Variants in STPG4 observed in about 807,000 individuals in gnomAD.
STPG4 encodes protein STPG4.
A neutral mutation model predicts 31.5 loss-of-function variants in STPG4; 41 were observed. The observed-to-expected ratio is 1.30, with a 90% confidence interval of 1.01 to 1.69. STPG4 has a LOEUF of 1.69. Among genes scored for constraint, STPG4 ranks in the 40% most tolerant of loss-of-function variants. The probability of loss-of-function intolerance (pLI) is 0.00; values close to 1 mark genes in which losing one functional copy is unlikely to be tolerated. For missense variants in STPG4, 375 were observed against 293.4 expected (o/e 1.28, Z -2.03); for synonymous variants, 141 against 103.0 (o/e 1.37, Z -2.24).
At chr2:47,136,293 C>T (rs1383827808) in intron 3 of STPG4, among the ~76,000 whole-genome samples, 1 of 152,010 alleles carries the variant, frequency 6.6e-6, no homozygotes, top group Non-Finnish European at 1.5e-5. Context: ...TTATGGGCGC[C>T]TGCCACCATG....
At chr2:47,149,554 T>C (rs1686896831) in intron 3 of STPG4, among the ~76,000 whole-genome samples, 1 of 152,234 alleles carries the variant, frequency 6.6e-6, no homozygotes, top group Non-Finnish European at 1.5e-5. Context: ...TATCATTCTG[T>C]TCTGTTTCAA....
At position 47,155,205 on chromosome 2, in the gene STPG4, T is replaced by C; in HGVS notation, c.47A>G (p.Asp16Gly). The change falls in exon 1 of 7, where the codon GAC becomes GGC. Residue 16 changes from aspartate to glycine, a missense_variant. Transcript: ENST00000445927. ...VATASTSIREDLVGGESFITA... is the reference protein window; with the variant it reads ...VATASTSIREGLVGGESFITA... ...GATGAATGATTCTCCACCCACCAGG[T>C]CTTCCCTTATTGAGGTGGAAGCGGT... The C allele has an allele frequency of 6.2e-7, 1 of 1,614,144 alleles. No homozygotes were observed. The highest frequency in any genetic ancestry group is 8.5e-7 in the Non-Finnish European group (1 of 1,180,012).
chr2:47,137,217 C>T (rs760408619), intron 3 of STPG4, among the ~76,000 whole-genome samples: 6 of 152,084 alleles, frequency 3.9e-5, no homozygotes, highest in Non-Finnish European at 5.9e-5. Flanking sequence ...TTCTCAAATG[C>T]TTTTTCTGCA....
intron 5 of STPG4, among the ~76,000 whole-genome samples, chr2:47,102,815 T>A (rs1685828277): frequency 6.6e-6 from 1 of 151,800 alleles, no homozygotes. Flanking sequence ...CCCTTCTCCC[T>A]CTCTGATTTA....
At chr2:47,113,143 A>C (rs146549927) in intron 5 of STPG4, among the ~76,000 whole-genome samples, 17 of 152,296 alleles carry the variant, frequency 1.1e-4, no homozygotes, top group Middle Eastern at 3.4e-3. Context: ...TTTCAGCACT[A>C]TATGAGGTAG....
chr2:47,098,257 C>T (rs565500733), intron 5 of STPG4, among the ~76,000 whole-genome samples: 10 of 152,316 alleles, frequency 6.6e-5, no homozygotes, highest in Admixed American at 6.5e-5. Flanking sequence ...CCCCACAGAC[C>T]GGAGAGCCAG....
chr2:47,143,677 T>C (rs1686761927), intron 3 of STPG4, among the ~76,000 whole-genome samples: 1 of 151,556 alleles, frequency 6.6e-6, no homozygotes, highest in Admixed American at 6.6e-5. Flanking sequence ...TTTAGTAGAG[T>C]CAGGGTTTCA....
chr2:47,131,186 G>C (rs1021604310), intron 3 of STPG4, among the ~76,000 whole-genome samples: 5 of 151,834 alleles, frequency 3.3e-5, no homozygotes, highest in African/African-American at 1.2e-4. Context: ...GAGTGCAGTG[G>C]CGTGATCACA....
intron 3 of STPG4, among the ~76,000 whole-genome samples, chr2:47,150,499 T>C (rs1686913022): frequency 6.6e-6 from 1 of 151,868 alleles, no homozygotes; most frequent in Non-Finnish European, 1.5e-5. Flanking sequence ...GCTCACTTCT[T>C]TTCTTTTTTT....
At chr2:47,096,559 G>A (rs1222846591) in intron 5 of STPG4, among the ~76,000 whole-genome samples, 1 of 152,194 alleles carries the variant, frequency 6.6e-6, no homozygotes, top group African/African-American at 2.4e-5. Flanking sequence ...ATCTTCATCT[G>A]TGTGCAAGTT....
chr2:47,153,608 A>T (rs1000933473), intron 1 of STPG4, among the ~76,000 whole-genome samples: 1 of 152,150 alleles, frequency 6.6e-6, no homozygotes, highest in African/African-American at 2.4e-5. Context: ...CAAAAACATT[A>T]GCTGGGCATG....
intron 5 of STPG4, chr2:47,108,294 C>T (rs548874227): frequency 1.3e-5 from 2 of 152,056 alleles, no homozygotes; most frequent in Non-Finnish European, 2.9e-5. Flanking sequence ...TCCCCTTCCA[C>T]ACTGTGGAAG....
chr2:47,151,386 G>A lies in STPG4; in HGVS notation c.271C>T (p.Pro91Ser), dbSNP rs1289707590. 1 of 1,614,198 alleles carries A rather than the reference G, an allele frequency of 6.2e-7. No individual in the cohort carries two copies. The highest frequency in any genetic ancestry group is 1.7e-5 in the Admixed American group (1 of 60,028). The change falls in exon 3 of 7, where the codon CCA becomes TCA. Residue 91 changes from proline (P) to serine (S), a missense_variant. Transcript: ENST00000445927. Reference protein sequence around the residue: ...KKPPLVQRNNPVLNDLPQYMP... With the variant: ...KKPPLVQRNNSVLNDLPQYMP... The stretch of plus-strand genomic sequence containing the variant: ...TACTGCGGAAGATCATTTAGGACTG[G>A]ATTGTTTCTTTGCACAAGAGGTGGC...
chr2:47,088,001 C>G (rs977527266), intron 6 of STPG4, among the ~76,000 whole-genome samples: 8 of 152,128 alleles, frequency 5.3e-5, no homozygotes, highest in Non-Finnish European at 2.9e-5. Flanking sequence ...GATCCGCCCA[C>G]CTCCGCCTCC....
chr2:47,121,711 A>T (rs191553264), intron 5 of STPG4, among the ~76,000 whole-genome samples: 1 of 152,328 alleles, frequency 6.6e-6, no homozygotes, highest in East Asian at 1.9e-4. Flanking sequence ...ATATGTCAGC[A>T]GGGCCATGCT....
chr2:47,121,354 T>C (rs557064757), intron 5 of STPG4, among the ~76,000 whole-genome samples: 1 of 152,156 alleles, frequency 6.6e-6, no homozygotes, highest in Admixed American at 6.5e-5. Context: ...TTAAGTGAAC[T>C]TCTACACACT....
At chr2:47,151,121 T>C in intron 3 of STPG4, 137 bp downstream of exon 3, 1 of 1,150,710 alleles carries the variant, frequency 8.7e-7, no homozygotes, top group Non-Finnish European at 1.2e-6. Flanking sequence ...AGTCCTTGTT[T>C]GATTTCTACG....
At chr2:47,111,305 G>A (rs1686032315) in intron 5 of STPG4, among the ~76,000 whole-genome samples, 2 of 152,160 alleles carry the variant, frequency 1.3e-5, no homozygotes, top group Admixed American at 1.3e-4. Flanking sequence ...TCAAAAAGTA[G>A]CCCATATATG....
chr2:47,111,467 G>A (rs1686035060), intron 5 of STPG4, among the ~76,000 whole-genome samples: 1 of 152,162 alleles, frequency 6.6e-6, no homozygotes. Context: ...GGGGAGGAGT[G>A]AAGGGAGGAG....
Sources: allele counts gnomAD v4.1 joint callset (sites outside exome capture counted in the v4.1 genomes callset), GRCh38; gene constraint gnomAD v4.1.1; transcripts MANE v1.5; gene names NCBI Gene and HGNC (gene_info 2026-07-23, HGNC 2026-07-21).